SYTL5: variants seen among roughly 807,000 people sequenced by gnomAD.
SYTL5 encodes the protein synaptotagmin-like protein 5.
A neutral mutation model predicts 55.9 loss-of-function variants in SYTL5; 34 were observed. The ratio of observed to expected loss-of-function variants is 0.61; its 90% CI spans 0.46 to 0.81. The LOEUF (loss-of-function observed/expected upper bound fraction) is 0.81. Among genes scored for constraint, SYTL5 ranks in the 30% least tolerant of loss-of-function variants. The pLI is 0.00. For missense variants in SYTL5, 637 were observed against 546.7 expected, an observed-to-expected ratio of 1.17 and a Z score of -1.65; for synonymous variants, 221 against 188.7, an observed-to-expected ratio of 1.17 and a Z score of -1.40.
the SYTL5 span, among the ~76,000 whole-genome samples, chrX:37,940,354 T>C: frequency 2.7e-5 from 3 of 109,438 alleles, no homozygotes; most frequent in Admixed American, 2.0e-4. Flanking sequence ...AGGCTGGATT[T>C]AGCCACTGGA....
At chrX:37,920,320 A>G in the SYTL5 span, among the ~76,000 whole-genome samples, 1 of 110,336 alleles carries the variant, frequency 9.1e-6, no homozygotes, top group African/African-American at 3.3e-5. Context: ...AAGGTGCCAA[A>G]CTGGCATCAA....
chrX:37,997,786 G>A, the SYTL5 span, among the ~76,000 whole-genome samples: 11 of 112,715 alleles, frequency 9.8e-5, no homozygotes, highest in South Asian at 4.1e-3. Context: ...GGGCCTGAAA[G>A]CTGGGGGCTG....
chrX:37,995,000 G>C, the SYTL5 span, among the ~76,000 whole-genome samples: 5 of 111,520 alleles, frequency 4.5e-5, no homozygotes, highest in East Asian at 1.4e-3. Context: ...GCTGAAGCGG[G>C]GGAAGGGGTG....
chrX:37,957,607 G>T, the SYTL5 span, among the ~76,000 whole-genome samples: 1 of 111,839 alleles, frequency 8.9e-6, no homozygotes, highest in Admixed American at 9.5e-5. Flanking sequence ...TTAATTCTGG[G>T]CTTTCCATTC....
intron 11 of SYTL5, among the ~76,000 whole-genome samples, chrX:38,107,076 T>C (rs754639266): frequency 8.9e-6 from 1 of 112,514 alleles, no homozygotes; most frequent in East Asian, 2.8e-4. Flanking sequence ...AAGCATCTTG[T>C]CGATTTCTGT....
chrX:38,034,365 G>A (rs1034369292), intron 2 of SYTL5, among the ~76,000 whole-genome samples: 2 of 111,936 alleles, frequency 1.8e-5, no homozygotes, highest in Non-Finnish European at 3.8e-5. Flanking sequence ...TTTCCTCATC[G>A]GTAAAACAAA....
intron 13 of SYTL5, 72 bp from the exon 14 acceptor site, chrX:38,120,286 C>T: frequency 1.4e-6 from 1 of 722,514 alleles, no homozygotes. Flanking sequence ...AAATATTGCA[C>T]ATTCAAATGT....
chrX:38,011,526 C>T (rs932995918), intron 1 of SYTL5, among the ~76,000 whole-genome samples: 4 of 109,807 alleles, frequency 3.6e-5, no homozygotes, highest in Non-Finnish European at 7.6e-5. Flanking sequence ...CTCAGCTACT[C>T]GGGAGACTGA....
chrX:38,034,128 T>G, intron 2 of SYTL5, 120 bp downstream of exon 2: 1 of 353,532 alleles, frequency 2.8e-6, no homozygotes, highest in Non-Finnish European at 4.9e-6. Context: ...AGGAACTTCA[T>G]GAGTTCTCAT....
chrX:38,060,332 A>C (rs1569172349), intron 3 of SYTL5, among the ~76,000 whole-genome samples: 1 of 111,935 alleles, frequency 8.9e-6, no homozygotes, highest in African/African-American at 3.2e-5. Context: ...AGATTGTTTT[A>C]GAAGCTAGCC....
chrX:38,102,036 A>G (rs966587739), intron 9 of SYTL5, among the ~76,000 whole-genome samples: 2 of 109,861 alleles, frequency 1.8e-5, no homozygotes, highest in African/African-American at 6.6e-5. Flanking sequence ...ACATTGCCCA[A>G]CATGAATCAC....
At chrX:37,925,360 G>A in the SYTL5 span, among the ~76,000 whole-genome samples, 10 of 111,190 alleles carry the variant, frequency 9.0e-5, no homozygotes, top group African/African-American at 2.6e-4. Flanking sequence ...TGCAGATGTC[G>A]TTTTGATATA....
chrX:37,905,252 G>A, the SYTL5 span, among the ~76,000 whole-genome samples: 4 of 110,907 alleles, frequency 3.6e-5, no homozygotes, highest in Non-Finnish European at 5.7e-5. Context: ...GGATATGAGA[G>A]AGGAGAGACT....
At chrX:38,024,907 G>A (rs182279656) in intron 1 of SYTL5, among the ~76,000 whole-genome samples, 4 of 111,749 alleles carry the variant, frequency 3.6e-5, no homozygotes, top group Non-Finnish European at 5.6e-5. Context: ...AGAATTGCCC[G>A]TGTGAGAAGA....
At chrX:37,923,597 T>C in the SYTL5 span, among the ~76,000 whole-genome samples, 4 of 110,148 alleles carry the variant, frequency 3.6e-5, no homozygotes, top group Non-Finnish European at 7.6e-5. Flanking sequence ...TTCTCAGATA[T>C]ATTCTCAAAA....
At chrX:37,960,172 A>G in the SYTL5 span, among the ~76,000 whole-genome samples, 1,521 of 111,463 alleles carry the variant, frequency 0.014, 27 homozygotes, top group African/African-American at 0.046. Context: ...AAGATCTCCA[A>G]GAGTTTTTCT....
chrX:37,951,341 C>T, the SYTL5 span, among the ~76,000 whole-genome samples: 1 of 111,113 alleles, frequency 9.0e-6, no homozygotes, highest in Non-Finnish European at 1.9e-5. Context: ...GGATTAGGAA[C>T]AGAAAATATC....
At chrX:38,110,863 C>T (rs1937341349) in intron 13 of SYTL5, among the ~76,000 whole-genome samples, 1 of 111,675 alleles carries the variant, frequency 9.0e-6, no homozygotes, top group Non-Finnish European at 1.9e-5. Context: ...TCTCATTCTC[C>T]ACAATTTATA....
the SYTL5 span, among the ~76,000 whole-genome samples, chrX:37,980,600 C>T: frequency 4.5e-5 from 5 of 112,056 alleles, no homozygotes; most frequent in African/African-American, 6.5e-5. Context: ...ATTCTTCTCC[C>T]CTTCAAACTT....
Sources: allele counts gnomAD v4.1 joint callset (sites outside exome capture counted in the v4.1 genomes callset), GRCh38; gene constraint gnomAD v4.1.1; transcripts MANE v1.5; gene names NCBI Gene and HGNC (gene_info 2026-07-23, HGNC 2026-07-21).